Variants in NELFA observed in about 807,000 individuals in gnomAD.
The protein encoded by NELFA is negative elongation factor complex member A, also known as negative elongation factor A.
In NELFA, 35 loss-of-function variants were observed where a neutral mutation model predicts 51.8. The ratio of observed to expected loss-of-function variants is 0.68; its 90% CI spans 0.52 to 0.90. The LOEUF is 0.90. NELFA is among the 40% of genes least tolerant of loss of function. NELFA has a pLI of 0.00. For missense variants in NELFA, 658 were observed against 746.4 expected (o/e 0.88, Z 1.38); for synonymous variants, 417 against 338.4 (o/e 1.23, Z -2.55).
intron 1 of NELFA, among the ~76,000 whole-genome samples, chr4:1,995,086 C>T (rs1728387268): frequency 6.6e-6 from 1 of 152,180 alleles, no homozygotes; most frequent in Non-Finnish European, 1.5e-5. Context: ...AGGCGAGGGC[C>T]CTCCCTACTG....
At chr4:1,988,445 G>T (rs994277769) in intron 3 of NELFA, among the ~76,000 whole-genome samples, 5 of 152,250 alleles carry the variant, frequency 3.3e-5, no homozygotes, top group Non-Finnish European at 7.3e-5. Context: ...AGGGTCAGGG[G>T]ACACCGAGTG....
At position 1,983,901 on chromosome 4, in the gene NELFA, G is replaced by A. The variant is rs745636856; in HGVS notation, c.1249C>T (p.Pro417Ser). Residue 417 changes from proline (P) to serine (S), a missense_variant, in exon 9 of 11, where the codon CCG (proline) becomes TCG (serine). Pro to Ser is a moderately conservative substitution (Grantham distance 74, BLOSUM62 -1). Transcript: ENST00000382882. ...TQTPPVAMVA[P>S]QTQAPAQQQP... ...TGCTGAGCAGGGGCCTGGGTCTGCG[G>A]GGCCACCATGGCAACCGGGGGTGTC... 1 of 1,602,362 alleles carries A rather than the reference G, an allele frequency of 6.2e-7. No homozygotes were observed. Among genetic ancestry groups the A allele is most frequent in the South Asian group, 1.1e-5 (1 of 89,322 alleles).
intron 1 of NELFA, among the ~76,000 whole-genome samples, chr4:2,002,781 T>C (rs181641253): frequency 2.0e-5 from 3 of 152,220 alleles, no homozygotes; most frequent in Admixed American, 2.0e-4. Flanking sequence ...ATAAAAATCC[T>C]AGAAGAAAAC....
At chr4:2,003,457 A>G (rs1193070020) in intron 1 of NELFA, among the ~76,000 whole-genome samples, 3 of 152,260 alleles carry the variant, frequency 2.0e-5, no homozygotes. Flanking sequence ...TGCTTAGAAT[A>G]GCAAGGACAT....
At chr4:1,984,751 A>G in intron 8 of NELFA, 57 bp downstream of exon 8, 1 of 1,314,022 alleles carries the variant, frequency 7.6e-7, no homozygotes, top group Non-Finnish European at 1.1e-6. Flanking sequence ...GCCCGTGGGC[A>G]AGGTCATGTC....
At position 1,985,888 on chromosome 4, in the gene NELFA, G is replaced by A. The variant is rs747197729; in HGVS notation, c.836-24C>T. ...ATCTGTGGACAAAACAGGAGTCCTC[G>A]CCAGTGCCCGGGCGCGTCTGCAGTG... On this transcript the variant is annotated intron_variant, in intron 6 of 10. Transcript: ENST00000382882. 6.9e-6 allele frequency: 11 copies of A among 1,592,102 alleles called. No homozygotes were observed. The East Asian group carries it at 1.6e-4, about 23-fold the overall frequency.
chr4:1,991,767 C>T, intron 1 of NELFA, 52 bp from the exon 2 acceptor site: 3 of 1,528,468 alleles, frequency 2.0e-6, no homozygotes, highest in Non-Finnish European at 2.6e-6. Context: ...ACTTCCAAGC[C>T]CACTCCCTGC....
chr4:1,991,683 G>A lies in NELFA; in HGVS notation c.243C>T (p.Leu81=), dbSNP rs200438883. The part of the protein sequence containing the change: ...MKGALMEIIQ[L]ASLDSDPWVL... ...CCCAGGGGTCCGAGTCGAGGCTGGC[G>A]AGCTGGATGATCTCCATTAGGGCGC... Residue 81 remains leucine (L), a synonymous_variant, in exon 2 of 11, where the codon CTC becomes CTT. Transcript: ENST00000382882. The A allele has an allele frequency of 1.1e-4, 181 of 1,611,586 alleles. No individual in the cohort carries two copies. Among genetic ancestry groups the A allele is most frequent in the East Asian group, 6.7e-4 (30 of 44,886 alleles).
chr4:1,987,740 C>T, intron 4 of NELFA, 178 bp downstream of exon 4: 2 of 587,598 alleles, frequency 3.4e-6, no homozygotes, highest in South Asian at 4.3e-5. Context: ...CCAGGGAGCT[C>T]CCCAAGGGGA....
intron 1 of NELFA, among the ~76,000 whole-genome samples, chr4:2,002,960 G>C (rs1728617399): frequency 6.6e-6 from 1 of 152,142 alleles, no homozygotes; most frequent in South Asian, 2.1e-4. Flanking sequence ...TACAGAATGG[G>C]AGAAAATTTT....
intron 4 of NELFA, among the ~76,000 whole-genome samples, chr4:1,987,048 C>G (rs1056023711): frequency 6.6e-6 from 1 of 152,140 alleles, no homozygotes; most frequent in Non-Finnish European, 1.5e-5. Context: ...CAAGGTGGAA[C>G]CTCGGCTGCG....
At chr4:2,004,379 T>A (rs1728653982) in intron 1 of NELFA, among the ~76,000 whole-genome samples, 1 of 152,110 alleles carries the variant, frequency 6.6e-6, no homozygotes, top group African/African-American at 2.4e-5. Flanking sequence ...ATGATGAAAA[T>A]GTTTGAAAAT....
At chr4:1,983,720 TGCCAGGGCCCC>T (rs781416935) in intron 9 of NELFA, 25 bp from the exon 10 acceptor site, 38 of 1,611,804 alleles carry the variant, frequency 2.4e-5, no homozygotes, top group South Asian at 1.9e-4. Flanking sequence ...GGGGTGTGGG[TGCCAGGGCCCC>T]GCCAGGACCA....
intron 1 of NELFA, chr4:1,992,451 C>A: frequency 2.3e-6 from 1 of 435,256 alleles, no homozygotes; most frequent in Non-Finnish European, 4.6e-6. Flanking sequence ...GCCACATAAA[C>A]CCCCTCCCAC....
At chr4:2,003,660 T>G (rs971766541) in intron 1 of NELFA, among the ~76,000 whole-genome samples, 1 of 152,006 alleles carries the variant, frequency 6.6e-6, no homozygotes, top group Non-Finnish European at 1.5e-5. Flanking sequence ...TTCTCACTCA[T>G]AAGTGGCAGG....
At chr4:1,993,000 G>A (rs1728318860) in intron 1 of NELFA, among the ~76,000 whole-genome samples, 1 of 152,216 alleles carries the variant, frequency 6.6e-6, no homozygotes, top group East Asian at 1.9e-4. Flanking sequence ...CTGAGTGCGC[G>A]ATGCGGCAGA....
At chr4:1,996,686 A>G (rs186322451) in intron 1 of NELFA, among the ~76,000 whole-genome samples, 2 of 152,348 alleles carry the variant, frequency 1.3e-5, no homozygotes, top group East Asian at 3.9e-4. Flanking sequence ...AATCCCAGCA[A>G]TTTGGTCAAC....
At chr4:1,996,357 G>A (rs1728422487) in intron 1 of NELFA, among the ~76,000 whole-genome samples, 1 of 152,186 alleles carries the variant, frequency 6.6e-6, no homozygotes, top group Admixed American at 6.5e-5. Context: ...AAAACTTGTG[G>A]GATGCGGCTT....
chr4:1,988,698 A>G (rs11725821), intron 3 of NELFA, among the ~76,000 whole-genome samples: 38,166 of 152,240 alleles, frequency 0.25, 5,709 homozygotes, highest in East Asian at 0.67. Context: ...TAACCATTCA[A>G]AATAAAACGA....
Sources: gnomAD v4.1 joint callset for allele counts (sites outside exome capture counted in the v4.1 genomes callset) on GRCh38, gnomAD v4.1.1 for gene constraint, MANE v1.5 for transcripts, NCBI Gene and HGNC (gene_info 2026-07-23, HGNC 2026-07-21) for gene names.